Variants in PARP9 observed in about 807,000 individuals in gnomAD.
The protein encoded by PARP9 is protein mono-ADP-ribosyltransferase PARP9.
PARP9 carries 48 observed loss-of-function variants against 68.8 expected under a neutral mutation model. That is an observed-to-expected ratio of 0.70 (90% CI 0.55 to 0.89). The LOEUF (loss-of-function observed/expected upper bound fraction) is 0.89, where lower values mean the gene tolerates loss of function less well. Ranked by LOEUF, PARP9 falls within the 40% of genes least tolerant of loss-of-function variation. The pLI is 0.00. For missense variants in PARP9, 806 were observed against 969.3 expected, an observed-to-expected ratio of 0.83 and a Z score of 2.24; for synonymous variants, 309 against 333.8, an observed-to-expected ratio of 0.93 and a Z score of 0.81.
intron 3 of PARP9, chr3:122,558,198 T>G: frequency 8.4e-7 from 1 of 1,189,812 alleles, no homozygotes; most frequent in Non-Finnish European, 1.2e-6. Flanking sequence ...TAGGCTGTCG[T>G]TAAAAGAGTC....
In PARP9 at chr3:122,537,719, C is replaced by A. The variant is rs533366249; in HGVS notation, c.1766-646G>T. 2.0e-5 allele frequency among the ~76,000 whole-genome samples: 3 copies of A among 152,262 alleles called. No homozygotes were observed. In the South Asian group the frequency reaches 6.2e-4, roughly 32 times the overall value. On this transcript the variant is annotated intron_variant, in intron 8 of 10. Coordinates refer to ENST00000682323, the MANE Select transcript of PARP9 (RefSeq NM_001146105.2). Reference sequence around the variant, plus strand: ...TCATATACCACCCAATGAAGAAGAGCAAAATTTGGAGATTAAGAGTCTATG... The same window carrying A: ...TCATATACCACCCAATGAAGAAGAGAAAAATTTGGAGATTAAGAGTCTATG...
intron 1 of PARP9, among the ~76,000 whole-genome samples, chr3:122,563,525 A>T (rs1559893797): frequency 6.6e-6 from 1 of 152,246 alleles, no homozygotes; most frequent in Non-Finnish European, 1.5e-5. Context: ...CCTTTAAAAA[A>T]TATGGCTGCA....
At chr3:122,529,919 G>C (rs564433359) in intron 10 of PARP9, among the ~76,000 whole-genome samples, 1 of 151,916 alleles carries the variant, frequency 6.6e-6, no homozygotes, top group East Asian at 1.9e-4. Flanking sequence ...ATCTGGGCCC[G>C]GTGGTACACA....
chr3:122,539,501 G>T (rs1241223729), intron 8 of PARP9, among the ~76,000 whole-genome samples: 2 of 136,792 alleles, frequency 1.5e-5, no homozygotes, highest in Non-Finnish European at 3.2e-5. Flanking sequence ...TATCTCCCAA[G>T]ATGGCATTTC....
chr3:122,528,330 T>G lies in PARP9; in HGVS notation c.*34A>C. On this transcript the variant is annotated 3_prime_UTR_variant, in exon 11 of 11. Coordinates refer to ENST00000682323, the MANE Select transcript of PARP9 (RefSeq NM_001146105.2). Reference sequence around the variant, plus strand: ...CATTATTTGGTTAGTTCACCCAAGGTAAGGCCATACCAGCTGTTAAAATGA... The same window carrying G: ...CATTATTTGGTTAGTTCACCCAAGGGAAGGCCATACCAGCTGTTAAAATGA... The G allele has an allele frequency of 1.3e-6, 2 of 1,588,650 alleles. No individual in the cohort carries two copies. Among genetic ancestry groups the G allele is most frequent in the South Asian group, 2.3e-5 (2 of 85,798 alleles).
At position 122,538,658 on chromosome 3, in the gene PARP9, CCACACACACA is replaced by C. The variant is rs10577699; in HGVS notation, c.1766-1595_1766-1586del. Among the ~76,000 whole-genome samples the C allele has an allele frequency of 9.0e-5, 13 of 145,032 alleles. No homozygotes were observed. The East Asian group carries it at 2.0e-3, about 23-fold the overall frequency. The stretch of plus-strand genomic sequence containing the variant: ...TGATTTCAGTTAATTTAAAGCAATG[CCACACACACA>C]CACACACACACACACACACACACAC... On this transcript the variant is annotated intron_variant, in intron 8 of 10. Transcript: ENST00000682323.
At chr3:122,534,159 A>G (rs2077484598) in intron 10 of PARP9, 2 of 810,402 alleles carry the variant, frequency 2.5e-6, no homozygotes, top group South Asian at 5.7e-5. Flanking sequence ...CTATATGGAG[A>G]CAAGATCTGT....
chr3:122,537,229 C>T (rs1003509698), intron 8 of PARP9, among the ~76,000 whole-genome samples, 156 bp from the exon 9 acceptor site: 1 of 152,196 alleles, frequency 6.6e-6, no homozygotes, highest in African/African-American at 2.4e-5. Context: ...TATAATACTA[C>T]GAGCGGTCAG....
At chr3:122,538,876 G>A (rs1265565928) in intron 8 of PARP9, among the ~76,000 whole-genome samples, 1 of 150,646 alleles carries the variant, frequency 6.6e-6, no homozygotes, top group Non-Finnish European at 1.5e-5. Flanking sequence ...TTTTGCCACT[G>A]TGTTTTCTGT....
At chr3:122,561,660 G>A (rs1317163599) in intron 1 of PARP9, among the ~76,000 whole-genome samples, 8 of 151,872 alleles carry the variant, frequency 5.3e-5, no homozygotes, top group African/African-American at 4.8e-5. Flanking sequence ...TTTTCCCTGC[G>A]TTCACTTCCA....
intron 1 of PARP9, among the ~76,000 whole-genome samples, chr3:122,561,992 A>G (rs1468350905): frequency 6.6e-6 from 1 of 151,994 alleles, no homozygotes; most frequent in African/African-American, 2.4e-5. Flanking sequence ...AATACCATTT[A>G]CGTACTCAAA....
intron 10 of PARP9, chr3:122,534,623 TA>T: frequency 4.0e-6 from 1 of 251,630 alleles, no homozygotes; most frequent in Non-Finnish European, 6.3e-6. Flanking sequence ...CTCATACCTG[TA>T]AGCCCAACAC....
At chr3:122,545,340 C>T in intron 7 of PARP9, 92 bp downstream of exon 7, 1 of 1,335,114 alleles carries the variant, frequency 7.5e-7, no homozygotes, top group Non-Finnish European at 1.1e-6. Flanking sequence ...CTTATTTATT[C>T]TTCTTCTCCC....
chr3:122,547,442 C>A (rs528892687), intron 6 of PARP9, among the ~76,000 whole-genome samples: 4 of 152,130 alleles, frequency 2.6e-5, no homozygotes, highest in African/African-American at 7.2e-5. Flanking sequence ...GCGCTCAGAC[C>A]GTGGTTGATC....
At chr3:122,550,457 A>T in intron 6 of PARP9, 127 bp downstream of exon 6, 1 of 749,772 alleles carries the variant, frequency 1.3e-6, no homozygotes, top group Non-Finnish European at 2.1e-6. Context: ...CCAAGTTAGA[A>T]CACCACCACA....
intron 10 of PARP9, chr3:122,533,908 T>A (rs2077467762): frequency 1.0e-6 from 1 of 985,342 alleles, no homozygotes; most frequent in South Asian, 4.7e-5. Flanking sequence ...CTGAAAAAGC[T>A]AAGAGCTTTT....
chr3:122,535,375 A>C (rs377587539), intron 10 of PARP9: 4 of 985,292 alleles, frequency 4.1e-6, no homozygotes, highest in East Asian at 1.1e-4. Context: ...CCTAGAAACC[A>C]AGTCTATTGG....
intron 7 of PARP9, among the ~76,000 whole-genome samples, chr3:122,544,972 T>C (rs2078584483): frequency 6.6e-6 from 1 of 152,214 alleles, no homozygotes; most frequent in South Asian, 2.1e-4. Context: ...GTTTTGCGTT[T>C]GTTTGTTTTT....
chr3:122,552,314 G>T, intron 5 of PARP9, 104 bp downstream of exon 5: 1 of 897,786 alleles, frequency 1.1e-6, no homozygotes, highest in Non-Finnish European at 1.7e-6. Context: ...TATACCACTT[G>T]ACAAAATATT....
Sources: gnomAD v4.1 joint callset for allele counts (sites outside exome capture counted in the v4.1 genomes callset) on GRCh38, gnomAD v4.1.1 for gene constraint, MANE v1.5 for transcripts, NCBI Gene and HGNC (gene_info 2026-07-23, HGNC 2026-07-21) for gene names.